The following RNASEH2A variants were observed in gnomAD, a reference collection of about 807,000 sequenced individuals.
The protein encoded by RNASEH2A is ribonuclease H2 subunit A.
Under a neutral mutation model 32.7 loss-of-function variants are expected in RNASEH2A, and 30 were observed. The ratio of observed to expected loss-of-function variants is 0.92; its 90% CI spans 0.69 to 1.25. The LOEUF (loss-of-function observed/expected upper bound fraction) is 1.25. RNASEH2A is among the 50% of genes most tolerant of loss of function. The pLI, the probability that RNASEH2A is intolerant of heterozygous loss-of-function variation, is 0.00. For synonymous variants in RNASEH2A, 147 were observed against 165.4 expected (o/e 0.89, Z 0.86); for missense variants, 409 against 398.1 (o/e 1.03, Z -0.23).
Position 12,807,065 on chromosome 19 carries a change from C to G in RNASEH2A, c.185C>G (p.Ala62Gly). The G allele has an allele frequency of 6.2e-7, 1 of 1,614,136 alleles. No individual in the cohort carries two copies. Among genetic ancestry groups the G allele is most frequent in the Non-Finnish European group, 8.5e-7 (1 of 1,180,016 alleles). Residue 62 changes from alanine to glycine, a missense_variant, in exon 2 of 8, where the codon GCG becomes GGG. Ala to Gly is a moderately conservative substitution (Grantham distance 60). Transcript: ENST00000221486. ...CTGCCTCGCCTGGCAGATCTGGAGG[C>G]GCTGAAAGTGGCAGGTGAGCCCGAG... ...CPLPRLADLE[A>G]LKVADSKTLL...
In RNASEH2A at chr19:12,810,151, C is replaced by T; in HGVS notation, c.492C>T (p.Val164=). Residue 164 remains valine (V), a synonymous_variant, in exon 5 of 8, where the codon GTC becomes GTT. Coordinates refer to ENST00000221486, the MANE Select transcript of RNASEH2A (RefSeq NM_006397.3). ...QQSFPGIEVT[V]KAKADALYPV... Reference sequence around the variant, plus strand: ...GTTTTCCCGGGATTGAGGTGACGGTCAAGGCCAAAGCAGATGCCCTCTACC... The same window carrying T: ...GTTTTCCCGGGATTGAGGTGACGGTTAAGGCCAAAGCAGATGCCCTCTACC... 1 of 1,614,198 alleles carries T rather than the reference C, an allele frequency of 6.2e-7. No homozygotes were observed. Among genetic ancestry groups the T allele is most frequent in the Non-Finnish European group, 8.5e-7 (1 of 1,180,034 alleles).
chr19:12,808,298 G>C (rs1969026061), intron 4 of RNASEH2A, among the ~76,000 whole-genome samples: 1 of 152,150 alleles, frequency 6.6e-6, no homozygotes, highest in South Asian at 2.1e-4. Flanking sequence ...GCAGTGTGCA[G>C]ATTCAGCATC....
rs768983249 is a variant in RNASEH2A at position 12,813,197 on chromosome 19, A to T, written c.752A>T (p.Asp251Val). ...ACCATCCTGGAGAAAGAGGCGGAAG[A>T]TGTTATATGGTGGGTGTCATGGATG... ...AQTILEKEAE[D>V]VIWEDSASEN... Residue 251 changes from aspartate (D) to valine (V), a missense_variant, in exon 7 of 8, where the codon GAT (aspartate) becomes GTT (valine). Transcript: ENST00000221486. The T allele has an allele frequency of 4.3e-6, 7 of 1,613,844 alleles. No homozygotes were observed. Among genetic ancestry groups the T allele is most frequent in the Non-Finnish European group, 5.9e-6 (7 of 1,179,982 alleles).
intron 1 of RNASEH2A, 47 bp from the exon 2 acceptor site, chr19:12,806,961 A>G (rs891385557): frequency 1.9e-6 from 3 of 1,609,682 alleles, no homozygotes; most frequent in Admixed American, 3.3e-5. Flanking sequence ...TCACGGGCTC[A>G]GTGATTGGAC....
chr19:12,808,827 C>T (rs1292107859), intron 4 of RNASEH2A, among the ~76,000 whole-genome samples: 1 of 152,184 alleles, frequency 6.6e-6, no homozygotes, highest in African/African-American at 2.4e-5. Context: ...GTGGCTCACG[C>T]CTGTAATCCC....
chr19:12,813,007 G>T (rs1351430349), intron 6 of RNASEH2A, 76 bp from the exon 7 acceptor site: 3 of 1,458,110 alleles, frequency 2.1e-6, no homozygotes, highest in Non-Finnish European at 2.8e-6. Context: ...CCATCTCAAA[G>T]AAAAAAAAAA....
intron 4 of RNASEH2A, among the ~76,000 whole-genome samples, chr19:12,809,203 T>A (rs368971862): frequency 2.6e-5 from 4 of 152,098 alleles, no homozygotes; most frequent in African/African-American, 7.2e-5. Context: ...TGAAACCCCA[T>A]CTCTACTAAA....
At chr19:12,812,609 C>T (rs979462454) in intron 6 of RNASEH2A, among the ~76,000 whole-genome samples, 8 of 152,240 alleles carry the variant, frequency 5.3e-5, no homozygotes, top group Non-Finnish European at 8.8e-5. Context: ...GGCAGTCTCC[C>T]TGCACTGCCC....
intron 6 of RNASEH2A, 30 bp downstream of exon 6, chr19:12,810,434 G>A (rs1418311718): frequency 1.3e-6 from 2 of 1,569,164 alleles, no homozygotes; most frequent in Non-Finnish European, 1.8e-6. Flanking sequence ...TGGTACTAAT[G>A]TTGAAATGGC....
chr19:12,807,677 A>G, intron 4 of RNASEH2A, 171 bp downstream of exon 4: 1 of 679,566 alleles, frequency 1.5e-6, no homozygotes, highest in Non-Finnish European at 2.6e-6. Flanking sequence ...CACGCCTATA[A>G]TCGCAGCACT....
intron 6 of RNASEH2A, among the ~76,000 whole-genome samples, chr19:12,812,742 C>A (rs907837134): frequency 6.6e-6 from 1 of 150,646 alleles, no homozygotes; most frequent in African/African-American, 2.4e-5. Flanking sequence ...CGTGGTGGCT[C>A]ATGCCTGTAA....
chr19:12,810,253 A>C, intron 5 of RNASEH2A, 45 bp downstream of exon 5: 5 of 1,614,108 alleles, frequency 3.1e-6, no homozygotes, highest in Non-Finnish European at 4.2e-6. Flanking sequence ...ATCCCACTAT[A>C]TAGGGGCCAG....
In RNASEH2A at chr19:12,806,679, T is replaced by G. The variant is rs1467569108; in HGVS notation, c.6T>G (p.Asp2Glu). 1 of 1,575,002 alleles carries G rather than the reference T, an allele frequency of 6.3e-7. No homozygotes were observed. The highest frequency in any genetic ancestry group is 2.3e-5 in the East Asian group (1 of 42,756). The change falls in exon 1 of 8, where the codon GAT becomes GAG. Residue 2 changes from aspartate (D) to glutamate (E), a missense_variant. Physicochemically the swap from Asp to Glu is conservative, Grantham distance 45 (BLOSUM62 2). Transcript: ENST00000221486. M[D>E]LSELERDNTG... Reference sequence around the variant, plus strand: ...GTGGTGGCGGCTGAGGCGGCATGGATCTCAGCGAGCTGGAGAGAGACAATA... The same window carrying G: ...GTGGTGGCGGCTGAGGCGGCATGGAGCTCAGCGAGCTGGAGAGAGACAATA...
intron 6 of RNASEH2A, among the ~76,000 whole-genome samples, chr19:12,811,487 C>T (rs1384699831): frequency 6.6e-6 from 1 of 152,002 alleles, no homozygotes; most frequent in Non-Finnish European, 1.5e-5. Flanking sequence ...TGGTGCCCAC[C>T]TGTAGTCCCA....
chr19:12,807,567 G>T, intron 4 of RNASEH2A, 61 bp downstream of exon 4: 1 of 1,385,378 alleles, frequency 7.2e-7, no homozygotes, highest in East Asian at 2.3e-5. Context: ...GACAAAACAG[G>T]AGTTCGAGAC....
chr19:12,806,804 CG>C lies in RNASEH2A; in HGVS notation c.127+5del, dbSNP rs1968998279. The C allele has an allele frequency of 6.3e-7, 1 of 1,581,124 alleles. No individual in the cohort carries two copies. The highest frequency in any genetic ancestry group is 1.3e-5 in the African/African-American group (1 of 74,582). On this transcript the variant is annotated splice_donor_5th_base_variant and intron_variant, in intron 1 of 7. Transcript: ENST00000221486. ...GCGGGCAGGGGCCCCGTGCTGGGTGCGCCCCTAGGGCCAGGGAGGGGAGGGG... is the reference window on the plus strand; with the variant it reads ...GCGGGCAGGGGCCCCGTGCTGGGTGCCCCCTAGGGCCAGGGAGGGGAGGGG...
rs769486587 is a variant in RNASEH2A at position 12,810,098 on chromosome 19, G to C, written c.439G>C (p.Glu147Gln). Residue 147 changes from glutamate (E) to glutamine (Q), a missense_variant, in exon 5 of 8, where the codon GAG (glutamate) becomes CAG (glutamine). Physicochemically the swap from Glu to Gln is conservative, Grantham distance 29. Transcript: ENST00000221486. ...ATTCGTGGACACCGTAGGGATGCCA[G>C]AGACATACCAGGCGCGGCTGCAGCA... is the stretch of plus-strand genomic sequence containing the variant. ...QVFVDTVGMP[E>Q]TYQARLQQSF... The C allele has an allele frequency of 5.6e-6, 9 of 1,614,206 alleles. No individual in the cohort carries two copies. The South Asian group carries it at 8.8e-5, about 16-fold the overall frequency.
chr19:12,808,380 G>A (rs1324859121), intron 4 of RNASEH2A, among the ~76,000 whole-genome samples: 1 of 152,112 alleles, frequency 6.6e-6, no homozygotes, highest in African/African-American at 2.4e-5. Context: ...TGCCCTAAAT[G>A]TGTGCCACAC....
chr19:12,810,249 C>T (rs777364948), intron 5 of RNASEH2A, 41 bp downstream of exon 5: 3 of 1,614,184 alleles, frequency 1.9e-6, no homozygotes, highest in Non-Finnish European at 2.5e-6. Context: ...CACCATCCCA[C>T]TATATAGGGG....
Sources: gnomAD v4.1 joint callset for allele counts (sites outside exome capture counted in the v4.1 genomes callset) on GRCh38, gnomAD v4.1.1 for gene constraint, MANE v1.5 for transcripts, NCBI Gene and HGNC (gene_info 2026-07-23, HGNC 2026-07-21) for gene names.